Variants in PPARGC1A observed in about 807,000 individuals in gnomAD.
The protein encoded by PPARGC1A is peroxisome proliferator-activated receptor gamma coactivator 1-alpha.
A neutral mutation model predicts 88.7 loss-of-function variants in PPARGC1A; 25 were observed. That is an observed-to-expected ratio of 0.28 (90% confidence interval 0.21 to 0.39). PPARGC1A has a LOEUF of 0.39. Ranked by LOEUF, PPARGC1A falls within the 10% of genes least tolerant of loss-of-function variation. PPARGC1A has a pLI of 1.00. For missense variants in PPARGC1A, 880 were observed against 968.7 expected (o/e 0.91, Z 1.22); for synonymous variants, 363 against 355.6 (o/e 1.02, Z -0.24).
At chr4:23,980,374 C>T in the PPARGC1A span, among the ~76,000 whole-genome samples, 1 of 151,962 alleles carries the variant, frequency 6.6e-6, no homozygotes, top group Admixed American at 6.6e-5. Flanking sequence ...CCCTGTCTAC[C>T]CAAACTTAAT....
chr4:24,373,934 T>C, the PPARGC1A span, among the ~76,000 whole-genome samples: 2 of 152,214 alleles, frequency 1.3e-5, no homozygotes, highest in Admixed American at 6.5e-5. Flanking sequence ...GCAAATTCTC[T>C]AGCAAAAGGA....
In PPARGC1A at chr4:23,813,851, G is replaced by T; in HGVS notation, c.1632C>A (p.Asn544Lys). 1 of 1,614,104 alleles carries T rather than the reference G, an allele frequency of 6.2e-7. No homozygotes were observed. The highest frequency in any genetic ancestry group is 8.5e-7 in the Non-Finnish European group (1 of 1,179,978). The change falls in exon 8 of 13, where the codon AAC becomes AAA. Residue 544 changes from asparagine to lysine, a missense_variant. Coordinates refer to ENST00000264867, the MANE Select transcript of PPARGC1A (RefSeq NM_013261.5). Reference sequence around the variant, plus strand: ...GTGACACAGAATCTCTACATGGAGAGTTAAAAGAAGAACAAGAAGGAGACA... The same window carrying T: ...GTGACACAGAATCTCTACATGGAGATTTAAAAGAAGAACAAGAAGGAGACA... ...FNVSPSCSSF[N>K]SPCRDSVSPP...
At chr4:24,153,821 C>A in the PPARGC1A span, among the ~76,000 whole-genome samples, 1 of 151,982 alleles carries the variant, frequency 6.6e-6, no homozygotes, top group East Asian at 1.9e-4. Flanking sequence ...GGAAACAACA[C>A]CAAATTGTTA....
chr4:24,283,080 T>A, the PPARGC1A span, among the ~76,000 whole-genome samples: 1 of 152,172 alleles, frequency 6.6e-6, no homozygotes, highest in Non-Finnish European at 1.5e-5. Context: ...GCAACATTTT[T>A]AAGGTGAAGA....
At chr4:24,298,668 A>C in the PPARGC1A span, among the ~76,000 whole-genome samples, 1 of 152,208 alleles carries the variant, frequency 6.6e-6, no homozygotes, top group Non-Finnish European at 1.5e-5. Context: ...GGAACTGAAC[A>C]CATAGAAAAA....
chr4:24,390,069 AT>A, the PPARGC1A span, among the ~76,000 whole-genome samples: 1,977 of 141,826 alleles, frequency 0.014, 43 homozygotes, highest in African/African-American at 0.049. Context: ...TAAGTAACTT[AT>A]TTTTTTTTCA....
At chr4:24,457,529 T>C in the PPARGC1A span, among the ~76,000 whole-genome samples, 1 of 62,648 alleles carries the variant, frequency 1.6e-5, no homozygotes, top group Non-Finnish European at 3.0e-5. Flanking sequence ...ATACTGTTTT[T>C]TGTTTGTTTG....
chr4:24,470,271 GACACAGACACAC>G, the PPARGC1A span, among the ~76,000 whole-genome samples: 254 of 72,022 alleles, frequency 3.5e-3, no homozygotes, highest in Middle Eastern at 0.034. This position sits in a 1 kb window ranked among gnomAD's most constrained non-coding sequence, Gnocchi z 5.8. Flanking sequence ...CTCATCGACA[GACACAGACACAC>G]ACACACACAC....
At chr4:23,989,593 C>G in the PPARGC1A span, among the ~76,000 whole-genome samples, 1 of 151,994 alleles carries the variant, frequency 6.6e-6, no homozygotes, top group Non-Finnish European at 1.5e-5. Flanking sequence ...AGAACACAAG[C>G]TCCATTAGAA....
At chr4:24,066,010 T>A in the PPARGC1A span, among the ~76,000 whole-genome samples, 1 of 152,298 alleles carries the variant, frequency 6.6e-6, no homozygotes, top group East Asian at 1.9e-4. Flanking sequence ...ACCTGATTTC[T>A]AATTCAGGCG....
At chr4:23,801,341 A>C (rs1402004501) in intron 12 of PPARGC1A, among the ~76,000 whole-genome samples, 1 of 151,986 alleles carries the variant, frequency 6.6e-6, no homozygotes, top group Admixed American at 6.6e-5. Flanking sequence ...TACATGTTTA[A>C]TATTCACACA....
At chr4:24,307,824 T>C in the PPARGC1A span, among the ~76,000 whole-genome samples, 1 of 152,152 alleles carries the variant, frequency 6.6e-6, no homozygotes, top group Admixed American at 6.5e-5. Context: ...TAACCTGCCC[T>C]GCTTTTTAAA....
the PPARGC1A span, among the ~76,000 whole-genome samples, chr4:24,318,558 G>C: frequency 6.6e-6 from 1 of 152,356 alleles, no homozygotes; most frequent in South Asian, 2.1e-4. Context: ...CCTGCGGACA[G>C]TTTCATGAGA....
chr4:24,298,733 T>C, the PPARGC1A span, among the ~76,000 whole-genome samples: 10 of 152,164 alleles, frequency 6.6e-5, no homozygotes, highest in Non-Finnish European at 8.8e-5. Context: ...CAATAAAACA[T>C]GGCTTTTAGT....
chr4:24,235,187 G>A, the PPARGC1A span, among the ~76,000 whole-genome samples: 2 of 152,158 alleles, frequency 1.3e-5, no homozygotes, highest in African/African-American at 4.8e-5. Flanking sequence ...AATCCTAGGG[G>A]GGTGGTGACT....
chr4:24,269,404 G>A, the PPARGC1A span, among the ~76,000 whole-genome samples: 1 of 152,134 alleles, frequency 6.6e-6, no homozygotes, highest in African/African-American at 2.4e-5. Flanking sequence ...ACACATAAGA[G>A]AATGAACTCT....
chr4:24,287,722 C>T, the PPARGC1A span, among the ~76,000 whole-genome samples: 10 of 151,236 alleles, frequency 6.6e-5, no homozygotes, highest in Admixed American at 5.9e-4. Context: ...AGTCAGAATA[C>T]CAAGGAAGAC....
the PPARGC1A span, among the ~76,000 whole-genome samples, chr4:24,197,088 T>C: frequency 6.6e-6 from 1 of 152,208 alleles, no homozygotes; most frequent in Non-Finnish European, 1.5e-5. Context: ...AAATAGATTG[T>C]TCTTGTTTTA....
the PPARGC1A span, among the ~76,000 whole-genome samples, chr4:23,991,156 C>T: frequency 6.6e-6 from 1 of 151,982 alleles, no homozygotes; most frequent in African/African-American, 2.4e-5. Context: ...ACAGCCACTC[C>T]ACTTTCTGGA....
Sources: allele counts gnomAD v4.1 joint callset (sites outside exome capture counted in the v4.1 genomes callset), GRCh38; gene constraint gnomAD v4.1.1; non-coding constraint Gnocchi (gnomAD v3.1); transcripts MANE v1.5; gene names NCBI Gene and HGNC (gene_info 2026-07-23, HGNC 2026-07-21).